Variants in KPNA1 observed in about 807,000 individuals in gnomAD.
The protein encoded by KPNA1 is karyopherin subunit alpha 1, also known as importin subunit alpha-5.
KPNA1 carries 10 observed loss-of-function variants against 70.5 expected under a neutral mutation model. That is an observed-to-expected ratio of 0.14 (90% CI 0.09 to 0.24). The LOEUF (loss-of-function observed/expected upper bound fraction) is 0.24. Among genes scored for constraint, KPNA1 ranks in the 10% least tolerant of loss-of-function variants. KPNA1 has a pLI of 1.00. For missense variants in KPNA1, 397 were observed against 637.9 expected, an observed-to-expected ratio of 0.62 and a Z score of 4.07; for synonymous variants, 192 against 221.9, an observed-to-expected ratio of 0.87 and a Z score of 1.20.
At chr3:122,495,639 A>C (rs2076750489) in intron 2 of KPNA1, among the ~76,000 whole-genome samples, 1 of 151,306 alleles carries the variant, frequency 6.6e-6, no homozygotes, top group Admixed American at 6.6e-5. Context: ...CTTATTTCTC[A>C]AGCATGAGGG....
Position 122,461,049 on chromosome 3 carries a change from G to A in KPNA1, c.432+175C>T, listed in dbSNP as rs368122944. ...TTATAATAATAATAAAGAGTATAAC[G>A]AAGGCCTACATGTTAACAAAGCTAT... is the stretch of plus-strand genomic sequence containing the variant. On this transcript the variant is annotated intron_variant, in intron 5 of 13. Transcript: ENST00000344337. Among the ~76,000 whole-genome samples the A allele has an allele frequency of 4.0e-4, 61 of 152,172 alleles. 1 individual carries two copies. In the East Asian group the frequency reaches 0.01, roughly 25 times the overall value.
At chr3:122,459,853 T>G in intron 5 of KPNA1, 2 of 985,360 alleles carry the variant, frequency 2.0e-6, no homozygotes, top group Non-Finnish European at 2.4e-6. Flanking sequence ...AAAGAAGGGA[T>G]AGGAGGAAAG....
At chr3:122,479,041 G>A (rs577471850) in intron 2 of KPNA1, among the ~76,000 whole-genome samples, 3 of 151,808 alleles carry the variant, frequency 2.0e-5, no homozygotes, top group Admixed American at 6.6e-5. Flanking sequence ...GCTCAACTTC[G>A]TTAAAATTAA....
rs748251834 is a variant in KPNA1 at position 122,461,251 on chromosome 3, G to A, written c.405C>T (p.Leu135=). 1 of 1,612,526 alleles carries A rather than the reference G, an allele frequency of 6.2e-7. No individual in the cohort carries two copies. The highest frequency in any genetic ancestry group is 2.2e-5 in the East Asian group (1 of 44,844). The change falls in exon 5 of 14, where the codon CTC becomes CTT. Residue 135 remains leucine, a synonymous_variant. Transcript: ENST00000344337. Reference sequence around the variant, plus strand: ...GCAGTGTACAATTCTCTTTTCGTTTGAGGAACTCCACAAACCTGGCCACTA... The same window carrying A: ...GCAGTGTACAATTCTCTTTTCGTTTAAGGAACTCCACAAACCTGGCCACTA... ...PGVVARFVEF[L]KRKENCTLQF... is the part of the protein sequence containing the mutation.
chr3:122,441,896 C>T (rs918515263), intron 10 of KPNA1, 142 bp downstream of exon 10: 41 of 737,164 alleles, frequency 5.6e-5, no homozygotes, highest in Middle Eastern at 6.6e-4. Flanking sequence ...TGACCGCCCC[C>T]GGCCCAACAT....
chr3:122,464,063 A>C (rs768160692), intron 3 of KPNA1, 22 bp from the exon 4 acceptor site: 1 of 1,335,468 alleles, frequency 7.5e-7, no homozygotes, highest in Admixed American at 2.0e-5. Context: ...AACAAAAAGA[A>C]CATATAATAA....
intron 2 of KPNA1, among the ~76,000 whole-genome samples, chr3:122,485,207 C>T (rs2076616152): frequency 6.6e-6 from 1 of 152,054 alleles, no homozygotes; most frequent in Non-Finnish European, 1.5e-5. Context: ...AGTCACTGCA[C>T]CCAGACCAAA....
intron 12 of KPNA1, among the ~76,000 whole-genome samples, chr3:122,428,843 A>G (rs1235604423): frequency 6.6e-6 from 1 of 152,230 alleles, no homozygotes; most frequent in East Asian, 1.9e-4. Flanking sequence ...TCCAGAAAAC[A>G]AACAGTGGGG....
chr3:122,482,578 G>A (rs866062781), intron 2 of KPNA1, among the ~76,000 whole-genome samples: 8 of 151,720 alleles, frequency 5.3e-5, no homozygotes, highest in Admixed American at 2.0e-4. Context: ...ATCTGTAGAT[G>A]ACATGATTGC....
intron 1 of KPNA1, among the ~76,000 whole-genome samples, chr3:122,498,485 C>T (rs894769833): frequency 6.6e-6 from 1 of 152,148 alleles, no homozygotes; most frequent in African/African-American, 2.4e-5. Flanking sequence ...TGTTAGCCAC[C>T]TAGTCTCTGG....
At chr3:122,472,942 G>A (rs1252432740) in intron 2 of KPNA1, among the ~76,000 whole-genome samples, 1 of 152,018 alleles carries the variant, frequency 6.6e-6, no homozygotes. Context: ...TTAGCCAGGT[G>A]TGGTGGCGGG....
At chr3:122,437,712 G>T (rs1012719157) in intron 10 of KPNA1, among the ~76,000 whole-genome samples, 2 of 152,130 alleles carry the variant, frequency 1.3e-5, no homozygotes, top group African/African-American at 2.4e-5. Flanking sequence ...AGGTATATTA[G>T]ATGCTTTATA....
chr3:122,430,093 G>C (rs2075880910), intron 12 of KPNA1, among the ~76,000 whole-genome samples: 1 of 151,784 alleles, frequency 6.6e-6, no homozygotes. Context: ...CTTCAGTGCT[G>C]GGAATCCTTT....
Position 122,462,701 on chromosome 3 carries a change from G to A in KPNA1, c.337+1241C>T, listed in dbSNP as rs115233461. Among the ~76,000 whole-genome samples, 319 of 152,002 alleles carry A rather than the reference G, an allele frequency of 2.1e-3. 2 individuals carry two copies. Among genetic ancestry groups the A allele is most frequent in the African/African-American group, 7.4e-3 (308 of 41,480 alleles). On this transcript the variant is annotated intron_variant, in intron 4 of 13. Transcript: ENST00000344337. ...TTTCCTTCAAATATTTTTAATAAGC[G>A]GTCTGCAAAAGACAATATTTTTTTG...
At chr3:122,446,101 T>C (rs2076133740) in intron 9 of KPNA1, among the ~76,000 whole-genome samples, 1 of 152,068 alleles carries the variant, frequency 6.6e-6, no homozygotes, top group Non-Finnish European at 1.5e-5. Flanking sequence ...CTGTCAATAT[T>C]AGACAGATCA....
chr3:122,468,538 C>T (rs2076406748), intron 2 of KPNA1, among the ~76,000 whole-genome samples: 1 of 152,182 alleles, frequency 6.6e-6, no homozygotes, highest in Non-Finnish European at 1.5e-5. Context: ...TTACCCAGTA[C>T]ATGTCCAGCT....
chr3:122,461,267 C>T lies in KPNA1; in HGVS notation c.389G>A (p.Arg130Lys), dbSNP rs2076320865. ...EVISTPGVVA[R>K]FVEFLKRKEN... The stretch of plus-strand genomic sequence containing the variant: ...TTTTCGTTTGAGGAACTCCACAAAC[C>T]TGGCCACTACTCCTGGTGTGCTGAT... Residue 130 changes from arginine to lysine, a missense_variant, in exon 5 of 14, where the codon AGG becomes AAG. By Grantham distance (26) the Arg-to-Lys change is conservative. Transcript: ENST00000344337. 6.2e-7 allele frequency: 1 copy of T among 1,613,556 alleles called. No individual in the cohort carries two copies. The highest frequency in any genetic ancestry group is 8.5e-7 in the Non-Finnish European group (1 of 1,179,680).
At chr3:122,468,270 C>A (rs1190658352) in intron 2 of KPNA1, among the ~76,000 whole-genome samples, 3 of 152,134 alleles carry the variant, frequency 2.0e-5, no homozygotes, top group African/African-American at 4.8e-5. Flanking sequence ...TTTAGATGCT[C>A]CTTGGATTTG....
Position 122,426,071 on chromosome 3 carries a change from CTGAT to C in KPNA1, c.*910_*913del, listed in dbSNP as rs1396737741. On this transcript the variant is annotated 3_prime_UTR_variant, in exon 14 of 14. Coordinates refer to ENST00000344337, the MANE Select transcript of KPNA1 (RefSeq NM_002264.4). ...TGCAGAAACACAGCCCCTAGTTACA[CTGAT>C]TGCATTTGGGAAAATTGGAGGGTTT... is the stretch of plus-strand genomic sequence containing the variant. 2.0e-5 allele frequency: 3 copies of C among 152,252 alleles called. No individual in the cohort carries two copies. Among genetic ancestry groups the C allele is most frequent in the African/African-American group, 7.2e-5 (3 of 41,424 alleles). The allele number at this position is 152,252 out of a possible 1,614,324, so 9.4% of individuals were successfully genotyped here.
Sources: allele counts gnomAD v4.1 joint callset (sites outside exome capture counted in the v4.1 genomes callset), GRCh38; gene constraint gnomAD v4.1.1; transcripts MANE v1.5; gene names NCBI Gene and HGNC (gene_info 2026-07-23, HGNC 2026-07-21).